NOX4: variants seen among roughly 807,000 people sequenced by gnomAD.
NOX4 encodes kidney oxidase-1.
NOX4 carries 69 observed loss-of-function variants against 87.6 expected under a neutral mutation model. The ratio of observed to expected loss-of-function variants is 0.79; its 90% CI spans 0.65 to 0.96. The LOEUF is 0.96. Ranked by LOEUF, NOX4 falls within the 40% of genes least tolerant of loss-of-function variation. NOX4 has a pLI of 0.00. For synonymous variants in NOX4, 275 were observed against 238.2 expected (o/e 1.15, Z -1.42); for missense variants, 680 against 681.5 (o/e 1.00, Z 0.02).
At chr11:89,514,631 A>T in the NOX4 span, among the ~76,000 whole-genome samples, 2 of 151,914 alleles carry the variant, frequency 1.3e-5, no homozygotes, top group Non-Finnish European at 2.9e-5. Flanking sequence ...GGTTTTTCAT[A>T]GGTGCCCTTA....
intron 2 of NOX4, among the ~76,000 whole-genome samples, chr11:89,461,054 A>T (rs928298271): frequency 2.6e-5 from 4 of 152,196 alleles, no homozygotes; most frequent in African/African-American, 9.7e-5. Context: ...AAACTGTTGC[A>T]AGGACAAAAA....
At chr11:89,438,514 A>G (rs1418869959) in intron 6 of NOX4, among the ~76,000 whole-genome samples, 3 of 87,572 alleles carry the variant, frequency 3.4e-5, no homozygotes, top group Non-Finnish European at 5.6e-5. Context: ...TATATTATAT[A>G]CTATATATAC....
chr11:89,422,455 C>G (rs377753153), intron 7 of NOX4, among the ~76,000 whole-genome samples: 189 of 152,172 alleles, frequency 1.2e-3, no homozygotes, highest in South Asian at 9.1e-3. Context: ...TTTTCCTGGA[C>G]AGTGTAACAA....
At chr11:89,583,326 T>C in the NOX4 span, among the ~76,000 whole-genome samples, 1 of 152,136 alleles carries the variant, frequency 6.6e-6, no homozygotes, top group Admixed American at 6.6e-5. Context: ...ACATTTCCAA[T>C]GGTTATTAAC....
At chr11:89,549,875 C>T in the NOX4 span, among the ~76,000 whole-genome samples, 1 of 152,194 alleles carries the variant, frequency 6.6e-6, no homozygotes. Context: ...ATATGTGCCA[C>T]ATTTTCTTTA....
At chr11:89,544,796 A>T in the NOX4 span, among the ~76,000 whole-genome samples, 6 of 151,918 alleles carry the variant, frequency 3.9e-5, no homozygotes, top group Non-Finnish European at 2.9e-5. Context: ...TTTTCAATTC[A>T]CATGTACCTT....
At chr11:89,487,897 C>A (rs1946694704) in intron 2 of NOX4, among the ~76,000 whole-genome samples, 1 of 151,980 alleles carries the variant, frequency 6.6e-6, no homozygotes, top group Non-Finnish European at 1.5e-5. Flanking sequence ...AAAAGATAAG[C>A]CTAGGACATA....
the NOX4 span, among the ~76,000 whole-genome samples, chr11:89,562,335 G>T: frequency 6.6e-6 from 1 of 152,084 alleles, no homozygotes; most frequent in African/African-American, 2.4e-5. Flanking sequence ...ACTATCGTCT[G>T]CCTAAATTCC....
chr11:89,425,617 T>TA (rs1317963844), intron 7 of NOX4, among the ~76,000 whole-genome samples: 2 of 151,954 alleles, frequency 1.3e-5, no homozygotes, highest in Non-Finnish European at 2.9e-5. Flanking sequence ...CCTATTTTGG[T>TA]AAAATACATA....
At chr11:89,399,445 ATATATATATATATAT>A (rs1941692464) in intron 11 of NOX4, among the ~76,000 whole-genome samples, 2 of 133,138 alleles carry the variant, frequency 1.5e-5, no homozygotes, top group African/African-American at 5.4e-5. Context: ...ATATATATAT[ATATATATATATATAT>A]ATATATATAT....
At chr11:89,484,403 AAATC>A (rs1309769521) in intron 2 of NOX4, among the ~76,000 whole-genome samples, 2 of 152,184 alleles carry the variant, frequency 1.3e-5, no homozygotes, top group African/African-American at 4.8e-5. Context: ...TTTTGAGAGT[AAATC>A]AATCATTTTC....
chr11:89,483,323 A>T (rs1946468735), intron 2 of NOX4, among the ~76,000 whole-genome samples: 1 of 152,094 alleles, frequency 6.6e-6, no homozygotes, highest in Non-Finnish European at 1.5e-5. Context: ...AAGAAACAAC[A>T]GAGCACAATG....
chr11:89,419,190 A>T (rs1338901099), intron 8 of NOX4, among the ~76,000 whole-genome samples: 1 of 152,096 alleles, frequency 6.6e-6, no homozygotes, highest in African/African-American at 2.4e-5. Flanking sequence ...ATTGATGGAC[A>T]GAGAAGCTAA....
chr11:89,454,762 T>C (rs537892762), intron 2 of NOX4, among the ~76,000 whole-genome samples: 4 of 152,280 alleles, frequency 2.6e-5, no homozygotes, highest in Non-Finnish European at 5.9e-5. Flanking sequence ...TTACCATCTC[T>C]TTATCATCCA....
chr11:89,566,288 G>A, the NOX4 span, among the ~76,000 whole-genome samples: 8 of 151,828 alleles, frequency 5.3e-5, no homozygotes, highest in Non-Finnish European at 7.4e-5. Context: ...TGTGCTCCCC[G>A]CCCTTTGCCT....
chr11:89,453,586 G>C (rs913849463), intron 2 of NOX4, among the ~76,000 whole-genome samples: 1 of 152,140 alleles, frequency 6.6e-6, no homozygotes, highest in Non-Finnish European at 1.5e-5. Context: ...GTTAGCAAAA[G>C]CACACCTATC....
chr11:89,509,915 T>C, the NOX4 span, among the ~76,000 whole-genome samples: 149 of 152,104 alleles, frequency 9.8e-4, 2 homozygotes, highest in East Asian at 0.021. Flanking sequence ...TGCCAGGCAC[T>C]GCTAGGTATT....
intron 2 of NOX4, among the ~76,000 whole-genome samples, chr11:89,486,293 T>TAAA: frequency 6.8e-6 from 1 of 147,896 alleles, no homozygotes; most frequent in African/African-American, 2.5e-5. Flanking sequence ...ATAAATAAAT[T>TAAA]TATTTATTTA....
the NOX4 span, among the ~76,000 whole-genome samples, chr11:89,519,592 T>TA: frequency 6.6e-6 from 1 of 152,026 alleles, no homozygotes; most frequent in Non-Finnish European, 1.5e-5. Context: ...TATCAGTATA[T>TA]AAGTTGGTAT....
Sources: allele counts gnomAD v4.1 joint callset (sites outside exome capture counted in the v4.1 genomes callset), GRCh38; gene constraint gnomAD v4.1.1; transcripts MANE v1.5; gene names NCBI Gene and HGNC (gene_info 2026-07-23, HGNC 2026-07-21).